Variants in MRPS22 observed in about 807,000 individuals in gnomAD.
The protein encoded by MRPS22 is small ribosomal subunit protein mS22.
In MRPS22, 30 loss-of-function variants were observed where a neutral mutation model predicts 44.0. The observed-to-expected ratio is 0.68, with a 90% CI of 0.51 to 0.93. MRPS22 has a LOEUF of 0.93. Among genes scored for constraint, MRPS22 ranks in the 40% least tolerant of loss-of-function variants. The probability of loss-of-function intolerance (pLI) is 0.00; values close to 1 mark genes in which losing one functional copy is unlikely to be tolerated. For missense variants in MRPS22, 447 were observed against 447.8 expected (o/e 1.00, Z 0.02); for synonymous variants, 165 against 154.4 (o/e 1.07, Z -0.51).
intron 1 of MRPS22, among the ~76,000 whole-genome samples, chr3:139,346,407 C>G (rs1941039274): frequency 6.6e-6 from 1 of 152,158 alleles, no homozygotes; most frequent in Non-Finnish European, 1.5e-5. Context: ...AATTGGAAAC[C>G]ATCTAGGATC....
chr3:139,349,936 A>G lies in MRPS22; in HGVS notation c.505-243A>G, dbSNP rs953267278. On this transcript the variant is annotated intron_variant, in intron 3 of 7. Coordinates refer to ENST00000680020, the MANE Select transcript of MRPS22 (RefSeq NM_020191.4). ...TTCGTATCGAACTCACGTTAGCACC[A>G]TAGTTGGTACTTACTGAATACTTTC... Among the ~76,000 whole-genome samples, 54 of 152,240 alleles carry G rather than the reference A, an allele frequency of 3.5e-4. 2 individuals are homozygous for G. The highest frequency in any genetic ancestry group is 3.5e-4 in the Non-Finnish European group (24 of 68,044).
intron 3 of MRPS22, 48 bp downstream of exon 3, chr3:139,348,372 T>A: frequency 6.3e-7 from 1 of 1,585,218 alleles, no homozygotes; most frequent in Non-Finnish European, 8.6e-7. Flanking sequence ...AAATACTATG[T>A]GGAGAAGGGC....
intron 3 of MRPS22, among the ~76,000 whole-genome samples, 154 bp from the exon 4 acceptor site, chr3:139,350,025 A>T (rs962810182): frequency 7.2e-5 from 11 of 152,210 alleles, no homozygotes; most frequent in African/African-American, 2.7e-4. Flanking sequence ...AAACCTTGCC[A>T]AGTCTTTGAG....
chr3:139,347,619 T>A (rs1941065657), intron 2 of MRPS22, among the ~76,000 whole-genome samples: 1 of 152,228 alleles, frequency 6.6e-6, no homozygotes, highest in Admixed American at 6.5e-5. Context: ...GGTAACTGCT[T>A]TTAACAGTAT....
chr3:139,348,380 G>A, intron 3 of MRPS22, 56 bp downstream of exon 3: 1 of 1,568,724 alleles, frequency 6.4e-7, no homozygotes, highest in Non-Finnish European at 8.7e-7. Flanking sequence ...TGTGGAGAAG[G>A]GCTTGAGAGA....
intron 3 of MRPS22, 122 bp from the exon 4 acceptor site, chr3:139,350,057 C>T: frequency 9.0e-7 from 1 of 1,113,166 alleles, no homozygotes; most frequent in Non-Finnish European, 1.3e-6. Flanking sequence ...TCATTGATCT[C>T]ATATGCATGA....
At chr3:139,344,912 G>A (rs370154593) in intron 1 of MRPS22, among the ~76,000 whole-genome samples, 2 of 152,306 alleles carry the variant, frequency 1.3e-5, no homozygotes, top group East Asian at 3.9e-4. Context: ...AGATGGGAAA[G>A]GAGGCGGAAT....
At chr3:139,352,453 ATCC>A (rs1245115572) in intron 5 of MRPS22, 191 bp from the exon 6 acceptor site, 1 of 532,950 alleles carries the variant, frequency 1.9e-6, no homozygotes, top group Admixed American at 3.0e-5. Context: ...TCTTAATAGA[ATCC>A]TCCTTCCCAC....
Position 139,357,069 on chromosome 3 carries a change from A to C in MRPS22, c.*55A>C, listed in dbSNP as rs140638719. The stretch of plus-strand genomic sequence containing the variant: ...AAATACTGACTACATTTCTCTGTTA[A>C]TATTGAGCTAAATGTTAAAAAATGG... On this transcript the variant is annotated 3_prime_UTR_variant, in exon 8 of 8. Coordinates refer to ENST00000680020, the MANE Select transcript of MRPS22 (RefSeq NM_020191.4). 96 of 1,376,462 alleles carry C rather than the reference A, an allele frequency of 7.0e-5. No homozygotes were observed. Among genetic ancestry groups the C allele is most frequent in the African/African-American group, 5.4e-4 (37 of 68,934 alleles). The allele number at this position is 1,376,462 out of a possible 1,614,324, so 85.3% of individuals were successfully genotyped here. A position where few individuals can be genotyped will look rare whatever the true frequency, so the allele number is the denominator to read the frequency against.
intron 1 of MRPS22, among the ~76,000 whole-genome samples, chr3:139,345,794 G>C (rs369193166): frequency 6.6e-6 from 1 of 152,164 alleles, no homozygotes; most frequent in Non-Finnish European, 1.5e-5. Context: ...TGACTTGGCA[G>C]TATTCAAGTA....
chr3:139,354,727 C>T (rs757199778), intron 6 of MRPS22, among the ~76,000 whole-genome samples: 2 of 152,130 alleles, frequency 1.3e-5, no homozygotes, highest in African/African-American at 2.4e-5. Context: ...AAGGGGAACG[C>T]AGGGAAGGCT....
At position 139,344,214 on chromosome 3, in the gene MRPS22, G is replaced by A. The variant is rs1379152841; in HGVS notation, c.172+16G>A. The A allele has an allele frequency of 1.3e-6, 2 of 1,593,080 alleles. No homozygotes were observed. Among genetic ancestry groups the A allele is most frequent in the Non-Finnish European group, 1.7e-6 (2 of 1,171,098 alleles). On this transcript the variant is annotated intron_variant, in intron 1 of 7. Transcript: ENST00000680020. ...TCCGAGGCCGGTAAGTGACCTTCCG[G>A]ACTTTCGCTGGGGCGTTCTTCTGGG...
chr3:139,345,038 A>G (rs1363273008), intron 1 of MRPS22, among the ~76,000 whole-genome samples: 1 of 152,158 alleles, frequency 6.6e-6, no homozygotes. Flanking sequence ...AGGTGAGTGA[A>G]TGGGTGAGAC....
chr3:139,346,710 T>C, intron 1 of MRPS22, 168 bp from the exon 2 acceptor site: 1 of 680,272 alleles, frequency 1.5e-6, no homozygotes, highest in South Asian at 1.8e-5. Context: ...GAGTGCTCAG[T>C]AAATCTTAAA....
intron 6 of MRPS22, among the ~76,000 whole-genome samples, 183 bp downstream of exon 6, chr3:139,352,975 A>C (rs1001170764): frequency 5.3e-5 from 8 of 152,186 alleles, no homozygotes; most frequent in African/African-American, 1.9e-4. Flanking sequence ...ATAAAGTGTA[A>C]GTAAGCCACT....
chr3:139,350,868 G>C lies in MRPS22; in HGVS notation c.649-109G>C. On this transcript the variant is annotated intron_variant, in intron 4 of 7. Coordinates refer to ENST00000680020, the MANE Select transcript of MRPS22 (RefSeq NM_020191.4). The stretch of plus-strand genomic sequence containing the variant: ...CCTGTGTTCTTTCTTTATGCTTCTT[G>C]AGGAGCACAGAGTGGCCAGTATGTG... 1.2e-6 allele frequency: 1 copy of C among 825,760 alleles called. No homozygotes were observed. Among genetic ancestry groups the C allele is most frequent in the Non-Finnish European group, 2.2e-6 (1 of 464,218 alleles). 51.2% of individuals were successfully genotyped at this position (825,760 alleles called of 1,614,324 possible).
chr3:139,348,080 TA>T, intron 2 of MRPS22, 79 bp from the exon 3 acceptor site: 5 of 1,454,302 alleles, frequency 3.4e-6, no homozygotes, highest in Non-Finnish European at 4.7e-6. Flanking sequence ...TTGCATTTTT[TA>T]TTAGTATGTG....
rs1279493875 is a variant in MRPS22, at chr3:139,352,757, T to C, written c.843T>C (p.Ile281=). Residue 281 remains isoleucine (I), a synonymous_variant, in exon 6 of 8, where the codon ATT becomes ATC. Transcript: ENST00000680020. The part of the protein sequence containing the change: ...MVWYFVNNKK[I]DGLLIDQIQR... ...GGTATTTTGTAAATAATAAAAAGAT[T>C]GATGGTTTGCTGATTGACCAGATTC... 2 of 1,613,672 alleles carry C rather than the reference T, an allele frequency of 1.2e-6. No homozygotes were observed. Among genetic ancestry groups the C allele is most frequent in the Non-Finnish European group, 1.7e-6 (2 of 1,179,792 alleles).
Position 139,357,076 on chromosome 3 carries a change from G to A in MRPS22, c.*62G>A, listed in dbSNP as rs1242796833. Reference sequence around the variant, plus strand: ...GACTACATTTCTCTGTTAATATTGAGCTAAATGTTAAAAAATGGCCAGATT... The same window carrying A: ...GACTACATTTCTCTGTTAATATTGAACTAAATGTTAAAAAATGGCCAGATT... On this transcript the variant is annotated 3_prime_UTR_variant, in exon 8 of 8. Transcript: ENST00000680020. The A allele has an allele frequency of 1.5e-6, 2 of 1,350,408 alleles. No individual in the cohort carries two copies. The highest frequency in any genetic ancestry group is 2.1e-6 in the Non-Finnish European group (2 of 961,402). The allele number at this position is 1,350,408 out of a possible 1,614,324, so 83.7% of individuals were successfully genotyped here.
Sources: gnomAD v4.1 joint callset for allele counts (sites outside exome capture counted in the v4.1 genomes callset) on GRCh38, gnomAD v4.1.1 for gene constraint, MANE v1.5 for transcripts, NCBI Gene and HGNC (gene_info 2026-07-23, HGNC 2026-07-21) for gene names.